Variants in TRAF1 observed in about 807,000 individuals in gnomAD.
TRAF1 encodes TNF receptor associated factor 1, also known as TNF receptor-associated factor 1.
Under a neutral mutation model 40.9 loss-of-function variants are expected in TRAF1, and 23 were observed. The observed-to-expected ratio is 0.56, with a 90% CI of 0.40 to 0.80. TRAF1 has a LOEUF of 0.80. Among genes scored for constraint, TRAF1 ranks in the 30% least tolerant of loss-of-function variants. TRAF1 has a pLI of 0.00. For missense variants in TRAF1, 477 were observed against 528.7 expected, an observed-to-expected ratio of 0.90 and a Z score of 0.96; for synonymous variants, 206 against 218.8, an observed-to-expected ratio of 0.94 and a Z score of 0.52.
At chr9:120,907,328 G>A (rs1304226461) in intron 7 of TRAF1, among the ~76,000 whole-genome samples, 1 of 152,174 alleles carries the variant, frequency 6.6e-6, no homozygotes, top group Non-Finnish European at 1.5e-5. Flanking sequence ...ATATTCCACT[G>A]TCTGGATGCA....
rs535649558 is a variant in TRAF1 at position 120,904,740 on chromosome 9, G to A, written c.*280C>T. On this transcript the variant is annotated 3_prime_UTR_variant, in exon 8 of 8. Coordinates refer to ENST00000373887, the MANE Select transcript of TRAF1 (RefSeq NM_005658.5). The stretch of plus-strand genomic sequence containing the variant: ...TTGGTGAGAGTCCACCTCAACATTC[G>A]GGGCCGGAGTGGCTCACTGGCCTCC... The A allele has an allele frequency of 8.2e-5, 37 of 449,274 alleles. No individual in the cohort carries two copies. In the South Asian group the frequency reaches 9.2e-4, roughly 11 times the overall value. 27.8% of individuals were successfully genotyped at this position (449,274 alleles called of 1,614,324 possible). A position where few individuals can be genotyped will look rare whatever the true frequency, so the allele number is the denominator to read the frequency against.
At chr9:120,928,060 T>G (rs1211332304), upstream of TRAF1, 1 of 152,242 alleles carries the variant, frequency 6.6e-6, no homozygotes, top group African/African-American at 2.4e-5. Flanking sequence ...TACTTTTGGG[T>G]ACCGTCTTAC....
chr9:120,917,886 C>T (rs973656674), intron 3 of TRAF1, among the ~76,000 whole-genome samples: 1 of 152,142 alleles, frequency 6.6e-6, no homozygotes, highest in African/African-American at 2.4e-5. Flanking sequence ...AACCCCCACC[C>T]AAATCAGATG....
In TRAF1 at chr9:120,903,045, G is replaced by C. The variant is rs941723175; in HGVS notation, c.*1975C>G. On this transcript the variant is annotated 3_prime_UTR_variant, in exon 8 of 8. Transcript: ENST00000373887. Reference sequence around the variant, plus strand: ...AAATCCCCCCTTGGGCTCAACACTCGGTGAGTAGGGATCAAGAGGTTATTG... The same window carrying C: ...AAATCCCCCCTTGGGCTCAACACTCCGTGAGTAGGGATCAAGAGGTTATTG... 1 of 152,186 alleles carries C rather than the reference G, an allele frequency of 6.6e-6. No individual in the cohort carries two copies. The highest frequency in any genetic ancestry group is 2.1e-4 in the South Asian group (1 of 4,830). 9.4% of individuals were successfully genotyped at this position (152,186 alleles called of 1,614,324 possible).
At chr9:120,913,811 T>A in intron 4 of TRAF1, 73 bp from the exon 5 acceptor site, 1 of 1,451,700 alleles carries the variant, frequency 6.9e-7, no homozygotes, top group Non-Finnish European at 9.2e-7. Flanking sequence ...AGTGCCCTGC[T>A]ATCAAAGGTC....
chr9:120,922,249 T>C (rs1588153094), intron 3 of TRAF1, among the ~76,000 whole-genome samples: 1 of 152,342 alleles, frequency 6.6e-6, no homozygotes, highest in East Asian at 1.9e-4. Context: ...AATACGAGTG[T>C]GTTTTTTTTT....
At chr9:120,906,972 G>T (rs537796460) in intron 7 of TRAF1, among the ~76,000 whole-genome samples, 6 of 152,142 alleles carry the variant, frequency 3.9e-5, no homozygotes, top group Non-Finnish European at 5.9e-5. Context: ...GAGTTCAAGC[G>T]ATTCTCGTGC....
At chr9:120,915,429 G>A (rs1248756149) in intron 3 of TRAF1, among the ~76,000 whole-genome samples, 1 of 152,214 alleles carries the variant, frequency 6.6e-6, no homozygotes, top group Non-Finnish European at 1.5e-5. Flanking sequence ...CGTTGTATAT[G>A]TGGTCTGGTG....
chr9:120,918,299 T>G (rs1329395266), intron 3 of TRAF1, among the ~76,000 whole-genome samples: 1 of 152,050 alleles, frequency 6.6e-6, no homozygotes, highest in Non-Finnish European at 1.5e-5. Context: ...CCTAACACAG[T>G]GTTCAATAAA....
chr9:120,928,253 TAA>T (rs781459864), upstream of TRAF1: 10 of 152,220 alleles, frequency 6.6e-5, no homozygotes, highest in Non-Finnish European at 1.3e-4. Context: ...CGCACGCTTT[TAA>T]AACACTCTTT....
intron 3 of TRAF1, among the ~76,000 whole-genome samples, chr9:120,917,840 C>T (rs1228273729): frequency 1.3e-5 from 2 of 152,094 alleles, no homozygotes; most frequent in African/African-American, 4.8e-5. Flanking sequence ...TTAATCGTGT[C>T]TGCAGAGTCT....
chr9:120,929,107 AG>A (rs1420872367), upstream of TRAF1: 5 of 152,362 alleles, frequency 3.3e-5, no homozygotes, highest in Non-Finnish European at 7.3e-5. The surrounding 1 kb of genome is among the most constrained non-coding windows in gnomAD (Gnocchi z 4.5). Flanking sequence ...GGTGTAGGGC[AG>A]CCAACCTCGG....
chr9:120,908,943 AC>A (rs1311847061), intron 7 of TRAF1, among the ~76,000 whole-genome samples: 1 of 151,658 alleles, frequency 6.6e-6, no homozygotes, highest in Non-Finnish European at 1.5e-5. Flanking sequence ...CAATCCTCCC[AC>A]CTCAGTCTCC....
At chr9:120,923,559 C>T (rs2046618431) in intron 3 of TRAF1, 146 bp downstream of exon 3, 1 of 721,170 alleles carries the variant, frequency 1.4e-6, no homozygotes, top group African/African-American at 1.7e-5. Context: ...CATCAGTCTC[C>T]TTATTCCTTA....
rs2046465533 is a variant in TRAF1 at position 120,904,697 on chromosome 9, G to A, written c.*323C>T. ...CTTGGGTCCTACGGTTCCAAGCCTG[G>A]TTCCATTTTCTTCTCATTTGGTGAG... On this transcript the variant is annotated 3_prime_UTR_variant, in exon 8 of 8. Coordinates refer to ENST00000373887, the MANE Select transcript of TRAF1 (RefSeq NM_005658.5). The A allele has an allele frequency of 2.9e-6, 1 of 343,156 alleles. No homozygotes were observed. Among genetic ancestry groups the A allele is most frequent in the East Asian group, 6.5e-5 (1 of 15,434 alleles). 21.3% of individuals were successfully genotyped at this position (343,156 alleles called of 1,614,324 possible).
In TRAF1 at chr9:120,923,760, C is replaced by T. The variant is rs141143362; in HGVS notation, c.173G>A (p.Arg58Lys). 390 of 1,614,166 alleles carry T rather than the reference C, an allele frequency of 2.4e-4. No homozygotes were observed. The highest frequency in any genetic ancestry group is 2.6e-4 in the Non-Finnish European group (301 of 1,180,028). Residue 58 changes from arginine (R) to lysine (K), a missense_variant, in exon 3 of 8, where the codon AGA (arginine) becomes AAA (lysine). By Grantham distance (26) the Arg-to-Lys change is conservative (BLOSUM62 2). Transcript: ENST00000373887. The part of the protein sequence containing the change: ...NGEDQICPKC[R>K]GEDLQSISPG... ...GCTTATAGACTGGAGGTCTTCCCCT[C>T]TGCATTTGGGGCAGATCTGATCCTC...
At position 120,911,300 on chromosome 9, in the gene TRAF1, C is replaced by T. The variant is rs138171585; in HGVS notation, c.883+36G>A. On this transcript the variant is annotated intron_variant, in intron 6 of 7. Transcript: ENST00000373887. ...TTCCTGGGTCCTGTGGGGCCTGTTTCCCCAGGCAGGTCTCTGTGCCCCTGG... is the reference window on the plus strand; with the variant it reads ...TTCCTGGGTCCTGTGGGGCCTGTTTTCCCAGGCAGGTCTCTGTGCCCCTGG... 8.1e-6 allele frequency: 13 copies of T among 1,599,034 alleles called. No individual in the cohort carries two copies. The African/African-American group carries it at 1.7e-4, about 21-fold the overall frequency.
chr9:120,911,326 G>A lies in TRAF1; in HGVS notation c.883+10C>T, dbSNP rs374523558. 6.2e-7 allele frequency: 1 copy of A among 1,611,282 alleles called. No individual in the cohort carries two copies. The highest frequency in any genetic ancestry group is 8.5e-7 in the Non-Finnish European group (1 of 1,178,448). The stretch of plus-strand genomic sequence containing the variant: ...CCCAGGCAGGTCTCTGTGCCCCTGG[G>A]AGGTGTTACCTGGGGAGAAGAGGCT... On this transcript the variant is annotated intron_variant, in intron 6 of 7. Transcript: ENST00000373887.
intron 3 of TRAF1, among the ~76,000 whole-genome samples, chr9:120,917,466 G>T (rs56794524): frequency 0.023 from 3,465 of 152,220 alleles, 126 homozygotes; most frequent in African/African-American, 0.079. Flanking sequence ...TTATTGTGAG[G>T]ATTAAATGAG....
Sources: gnomAD v4.1 joint callset for allele counts (sites outside exome capture counted in the v4.1 genomes callset) on GRCh38, gnomAD v4.1.1 for gene constraint, Gnocchi (gnomAD v3.1) non-coding constraint, MANE v1.5 for transcripts, NCBI Gene and HGNC (gene_info 2026-07-23, HGNC 2026-07-21) for gene names.